SYNE2: variants seen among roughly 807,000 people sequenced by gnomAD.
SYNE2 encodes nesprin-2.
In SYNE2, 431 loss-of-function variants were observed where a neutral mutation model predicts 856.3. That is an observed-to-expected ratio of 0.50 (90% CI 0.47 to 0.55). SYNE2 has a LOEUF of 0.55. SYNE2 is among the 20% of genes least tolerant of loss of function. The pLI, the probability that SYNE2 is intolerant of heterozygous loss-of-function variation, is 0.00. For synonymous variants in SYNE2, 2,923 were observed against 2,872.3 expected, an observed-to-expected ratio of 1.02 and a Z score of -0.56; for missense variants, 8,129 against 8,023.2, an observed-to-expected ratio of 1.01 and a Z score of -0.50.
chr14:64,132,308 C>T lies in SYNE2; in HGVS notation c.14384C>T (p.Ala4795Val). ...KLVADMLLIQ[A>V]YSAKILPSLL... is the part of the protein sequence containing the mutation. The stretch of plus-strand genomic sequence containing the variant: ...GTTGCTGACATGTTGTTGATCCAAG[C>T]ATACTCTGCCAAAATACTTCCTTCT... Residue 4795 changes from alanine (A) to valine (V), a missense_variant, in exon 77 of 116, where the codon GCA (alanine) becomes GTA (valine). This residue lies in a region of SYNE2 where 5,410 missense variants were observed against 5,284.8 expected (regional missense o/e 1.02). Transcript: ENST00000555002. 1 of 1,614,036 alleles carries T rather than the reference C, an allele frequency of 6.2e-7. No individual in the cohort carries two copies. The highest frequency in any genetic ancestry group is 8.5e-7 in the Non-Finnish European group (1 of 1,180,036).
At chr14:64,181,124 C>T (rs540922694) in intron 96 of SYNE2, among the ~76,000 whole-genome samples, 1 of 151,622 alleles carries the variant, frequency 6.6e-6, no homozygotes, top group African/African-American at 2.4e-5. Context: ...ATTTTTCCTA[C>T]ACGGGTCAAT....
At chr14:63,769,150 A>G (rs1433630645) in intron 1 of SYNE2, among the ~76,000 whole-genome samples, 2 of 152,228 alleles carry the variant, frequency 1.3e-5, no homozygotes, top group Admixed American at 6.6e-5. Flanking sequence ...AACAAGCTTA[A>G]CTTGTAGGAA....
At chr14:63,882,425 A>T (rs1252874438) in intron 1 of SYNE2, among the ~76,000 whole-genome samples, 1 of 152,158 alleles carries the variant, frequency 6.6e-6, no homozygotes, top group African/African-American at 2.4e-5. Context: ...AATGAGTAAC[A>T]TGTGGAGGCC....
chr14:64,072,621 T>C (rs969574976), intron 52 of SYNE2, among the ~76,000 whole-genome samples: 9 of 152,210 alleles, frequency 5.9e-5, no homozygotes, highest in African/African-American at 2.2e-4. Flanking sequence ...TGCCTCAGCC[T>C]CCTGAGTAGC....
intron 3 of SYNE2, among the ~76,000 whole-genome samples, 175 bp downstream of exon 3, chr14:63,940,850 TA>T (rs1213891498): frequency 1.3e-5 from 2 of 152,206 alleles, no homozygotes; most frequent in Non-Finnish European, 2.9e-5. Context: ...TGTTTTGATG[TA>T]TTTGTTACTC....
chr14:63,821,644 T>G (rs904744546), intron 1 of SYNE2, among the ~76,000 whole-genome samples: 1 of 151,584 alleles, frequency 6.6e-6, no homozygotes, highest in Admixed American at 6.6e-5. Context: ...GTCCAGCTAC[T>G]TGGGAGGCTG....
chr14:63,765,703 G>A (rs1886653785), intron 1 of SYNE2, among the ~76,000 whole-genome samples: 1 of 152,140 alleles, frequency 6.6e-6, no homozygotes, highest in Admixed American at 6.6e-5. Context: ...TGAAACTCTA[G>A]TAATAATGGT....
intron 45 of SYNE2, among the ~76,000 whole-genome samples, chr14:64,033,948 T>C (rs2097063803): frequency 6.6e-6 from 1 of 152,212 alleles, no homozygotes; most frequent in Non-Finnish European, 1.5e-5. Context: ...TTTCTGTATC[T>C]GTATGGCTTA....
intron 1 of SYNE2, among the ~76,000 whole-genome samples, chr14:63,864,658 G>A (rs868835084): frequency 6.6e-6 from 1 of 152,220 alleles, no homozygotes; most frequent in Admixed American, 6.5e-5. Flanking sequence ...CTTACAAGGA[G>A]TGAAAGATTG....
At chr14:64,204,886 C>T (rs778496164) in intron 100 of SYNE2, among the ~76,000 whole-genome samples, 26 of 152,286 alleles carry the variant, frequency 1.7e-4, no homozygotes, top group African/African-American at 5.3e-4. Flanking sequence ...ATCAGGATTA[C>T]GCTCCTTTCT....
rs779703888 is a variant in SYNE2, at chr14:64,219,560, A to G, written c.19860+150A>G. 651 of 811,682 alleles carry G rather than the reference A, an allele frequency of 8.0e-4. 3 individuals are homozygous for G. The highest frequency in any genetic ancestry group is 3.2e-4 in the Non-Finnish European group (159 of 490,702). 50.3% of individuals were successfully genotyped at this position (811,682 alleles called of 1,614,324 possible). A position where few individuals can be genotyped will look rare whatever the true frequency, so the allele number is the denominator to read the frequency against. ...TCACTCTCTTCCATTTCAGTTCCAT[A>G]GTTGGCAAGGACATAGATGCAGATT... On this transcript the variant is annotated intron_variant, in intron 110 of 115. Coordinates refer to ENST00000555002, the MANE Select transcript of SYNE2 (RefSeq NM_182914.3).
At chr14:64,144,061 C>G (rs2098162330) in intron 83 of SYNE2, 113 bp downstream of exon 83, 1 of 1,210,784 alleles carries the variant, frequency 8.3e-7, no homozygotes, top group Non-Finnish European at 1.2e-6. Flanking sequence ...TAATAATCAT[C>G]TCAACTATAG....
chr14:64,151,568 A>T lies in SYNE2; in HGVS notation c.15640-996A>T, dbSNP rs115109777. On this transcript the variant is annotated intron_variant, in intron 84 of 115. Transcript: ENST00000555002. ...GCAAAGCAATTTTCAAAAAATAAAA[A>T]TAAAAAAAGCTGGGATCCTTATGCA... Among the ~76,000 whole-genome samples the T allele has an allele frequency of 7.5e-3, 1,132 of 151,590 alleles. 13 individuals are homozygous for T. Among genetic ancestry groups the T allele is most frequent in the African/African-American group, 0.026 (1,080 of 41,266 alleles).
At chr14:63,918,790 C>T (rs1266973350) in intron 2 of SYNE2, among the ~76,000 whole-genome samples, 4 of 152,072 alleles carry the variant, frequency 2.6e-5, no homozygotes, top group Admixed American at 6.5e-5. Flanking sequence ...TCAGTGGTGT[C>T]GTGTTATAAG....
chr14:64,012,917 G>A (rs898470901), intron 32 of SYNE2, among the ~76,000 whole-genome samples: 3 of 152,192 alleles, frequency 2.0e-5, no homozygotes, highest in Non-Finnish European at 2.9e-5. Flanking sequence ...CCTGGAATAT[G>A]ATACCACTGA....
At chr14:63,889,453 C>A (rs2095076645) in intron 1 of SYNE2, among the ~76,000 whole-genome samples, 1 of 151,930 alleles carries the variant, frequency 6.6e-6, no homozygotes, top group Admixed American at 6.6e-5. Flanking sequence ...AATAATTCTC[C>A]TATTAAAGTA....
chr14:64,097,048 G>C (rs1367057655), intron 61 of SYNE2, among the ~76,000 whole-genome samples: 1 of 152,202 alleles, frequency 6.6e-6, no homozygotes, highest in African/African-American at 2.4e-5. Flanking sequence ...AGAGGAGGAT[G>C]TTAGTGTATT....
intron 1 of SYNE2, among the ~76,000 whole-genome samples, chr14:63,829,720 T>C (rs1889595858): frequency 6.6e-6 from 1 of 152,098 alleles, no homozygotes; most frequent in Non-Finnish European, 1.5e-5. Context: ...GGGATGAAGC[T>C]ATCCTACCTC....
intron 58 of SYNE2, 62 bp from the exon 59 acceptor site, chr14:64,089,512 C>A: frequency 9.8e-6 from 14 of 1,427,364 alleles, no homozygotes; most frequent in East Asian, 2.9e-5. Flanking sequence ...TGCCAATAAA[C>A]TGTTTTATAG....
Sources: gnomAD v4.1 joint callset for allele counts (sites outside exome capture counted in the v4.1 genomes callset) on GRCh38, gnomAD v4.1.1 for gene constraint, gnomAD v4.1.1 regional missense constraint, MANE v1.5 for transcripts, NCBI Gene and HGNC (gene_info 2026-07-23, HGNC 2026-07-21) for gene names.